The following ALPK1 variants were observed in gnomAD, a reference collection of about 807,000 sequenced individuals.
ALPK1 encodes the protein alpha kinase 1, also known as alpha-protein kinase 1.
Under a neutral mutation model 120.6 loss-of-function variants are expected in ALPK1, and 110 were observed. The observed-to-expected ratio is 0.91, with a 90% CI of 0.78 to 1.07. ALPK1 has a LOEUF of 1.07. ALPK1 is among the 50% of genes least tolerant of loss of function. The probability of loss-of-function intolerance (pLI) is 0.00; values close to 1 mark genes in which losing one functional copy is unlikely to be tolerated. For synonymous variants in ALPK1, 582 were observed against 560.3 expected, an observed-to-expected ratio of 1.04 and a Z score of -0.55; for missense variants, 1,498 against 1,483.9, an observed-to-expected ratio of 1.01 and a Z score of -0.16.
At chr4:112,435,440 T>C (rs1734748860) in intron 12 of ALPK1, 139 bp downstream of exon 12, 1 of 741,732 alleles carries the variant, frequency 1.3e-6, no homozygotes, top group Admixed American at 2.8e-5. Flanking sequence ...CTTTTTCTTT[T>C]CATTATTAAT....
chr4:112,370,425 A>C (rs1731353699), intron 2 of ALPK1, among the ~76,000 whole-genome samples: 1 of 151,918 alleles, frequency 6.6e-6, no homozygotes, highest in Non-Finnish European at 1.5e-5. Context: ...AATACAGGGG[A>C]GGGATGTTAA....
intron 4 of ALPK1, chr4:112,384,930 T>A (rs1413548606): frequency 6.6e-6 from 1 of 152,192 alleles, no homozygotes. Context: ...TGCTTGGAGA[T>A]CCCTTGTGGA....
At chr4:112,323,800 T>A (rs1241358364) in intron 2 of ALPK1, among the ~76,000 whole-genome samples, 4 of 152,210 alleles carry the variant, frequency 2.6e-5, no homozygotes. Context: ...AGCTAGCCTG[T>A]TATTTCATGG....
chr4:112,416,121 T>C (rs1733736566), intron 5 of ALPK1, among the ~76,000 whole-genome samples: 1 of 152,124 alleles, frequency 6.6e-6, no homozygotes, highest in South Asian at 2.1e-4. Context: ...CCCCTAAAGA[T>C]CTTATTAAAA....
At chr4:112,413,425 T>C (rs531215031) in intron 5 of ALPK1, among the ~76,000 whole-genome samples, 2 of 152,270 alleles carry the variant, frequency 1.3e-5, no homozygotes, top group African/African-American at 4.8e-5. Flanking sequence ...CATTTTTGTT[T>C]TTGTTTTGTT....
intron 5 of ALPK1, among the ~76,000 whole-genome samples, chr4:112,417,251 G>T (rs1343496264): frequency 6.6e-6 from 1 of 152,046 alleles, no homozygotes; most frequent in Non-Finnish European, 1.5e-5. Context: ...GAAGAAAATT[G>T]AACTTAGAAT....
intron 2 of ALPK1, among the ~76,000 whole-genome samples, chr4:112,319,605 T>C (rs1201119837): frequency 1.3e-5 from 2 of 152,228 alleles, no homozygotes; most frequent in East Asian, 1.9e-4. Flanking sequence ...TTGATGGCAA[T>C]TGCATTGAAT....
chr4:112,424,982 C>G (rs1420597583), intron 6 of ALPK1: 1 of 152,256 alleles, frequency 6.6e-6, no homozygotes, highest in Non-Finnish European at 1.5e-5. Context: ...AACAAAAAGC[C>G]CTTTCATCCA....
chr4:112,415,371 C>T (rs1255487486), intron 5 of ALPK1, among the ~76,000 whole-genome samples: 4 of 152,210 alleles, frequency 2.6e-5, no homozygotes, highest in African/African-American at 4.8e-5. Flanking sequence ...GGCAGCGGCT[C>T]ACGCCTGTAA....
intron 2 of ALPK1, among the ~76,000 whole-genome samples, chr4:112,324,341 GA>G (rs777084589): frequency 4.2e-5 from 6 of 144,094 alleles, no homozygotes; most frequent in Non-Finnish European, 4.6e-5. Flanking sequence ...AAAAAAAAAA[GA>G]AAAAAAAAAG....
intron 12 of ALPK1, among the ~76,000 whole-genome samples, chr4:112,436,246 A>G (rs56304355): frequency 0.023 from 3,436 of 152,270 alleles, 49 homozygotes; most frequent in Middle Eastern, 0.051. Flanking sequence ...GTTTTAAATG[A>G]TTTATATGCT....
chr4:112,357,666 C>G, intron 2 of ALPK1: 1 of 1,603,152 alleles, frequency 6.2e-7, no homozygotes, highest in Non-Finnish European at 8.5e-7. Context: ...TGGGGATCAT[C>G]CCCAGAGGCC....
chr4:112,418,773 A>G (rs1327816058), intron 5 of ALPK1, among the ~76,000 whole-genome samples: 1 of 152,178 alleles, frequency 6.6e-6, no homozygotes, highest in African/African-American at 2.4e-5. Flanking sequence ...ATAGGAGGGA[A>G]CTTTCTTAAA....
intron 4 of ALPK1, among the ~76,000 whole-genome samples, chr4:112,405,038 C>A (rs2148744513): frequency 6.6e-6 from 1 of 152,248 alleles, no homozygotes; most frequent in Middle Eastern, 3.4e-3. Flanking sequence ...GGCTTTTTCC[C>A]CAGCTTTGGG....
At chr4:112,344,681 G>A (rs1191990802) in intron 2 of ALPK1, among the ~76,000 whole-genome samples, 3 of 152,144 alleles carry the variant, frequency 2.0e-5, no homozygotes, top group East Asian at 1.9e-4. Context: ...TGGAAATTCT[G>A]AATACACACC....
At chr4:112,397,436 T>G (rs1732699961) in intron 4 of ALPK1, among the ~76,000 whole-genome samples, 1 of 152,128 alleles carries the variant, frequency 6.6e-6, no homozygotes, top group African/African-American at 2.4e-5. Flanking sequence ...GTAATTGCGG[T>G]TTTTGCTATT....
In ALPK1 at chr4:112,412,177, C is replaced by G. The variant is rs532223625; in HGVS notation, c.475+152C>G. 1.1e-3 allele frequency: 1,020 copies of G among 907,626 alleles called. 4 individuals are homozygous for G. Among genetic ancestry groups the G allele is most frequent in the Middle Eastern group, 4.5e-3 (16 of 3,548 alleles). The allele number at this position is 907,626 out of a possible 1,614,324, so 56.2% of individuals were successfully genotyped here. A position where few individuals can be genotyped will look rare whatever the true frequency, so the allele number is the denominator to read the frequency against. On this transcript the variant is annotated intron_variant, in intron 5 of 15. Coordinates refer to ENST00000650871, the MANE Select transcript of ALPK1 (RefSeq NM_025144.4). The stretch of plus-strand genomic sequence containing the variant: ...GGGCTCCCCTCCCCCGCCCCTGTGC[C>G]CTTCCACCCGCCTCTTTGCCAGCAC...
intron 2 of ALPK1, chr4:112,356,971 G>A: frequency 1.3e-6 from 1 of 768,316 alleles, no homozygotes; most frequent in Non-Finnish European, 2.4e-6. Flanking sequence ...TCATAGACCA[G>A]GTGCTGGAGG....
intron 1 of ALPK1, among the ~76,000 whole-genome samples, chr4:112,312,881 A>G (rs1490523669): frequency 6.6e-6 from 1 of 152,246 alleles, no homozygotes; most frequent in African/African-American, 2.4e-5. Flanking sequence ...GCACAAATTG[A>G]AAGTGAACGG....
Sources: allele counts gnomAD v4.1 joint callset (sites outside exome capture counted in the v4.1 genomes callset), GRCh38; gene constraint gnomAD v4.1.1; transcripts MANE v1.5; gene names NCBI Gene and HGNC (gene_info 2026-07-23, HGNC 2026-07-21).